The following UNC13C variants were observed in gnomAD, a reference collection of about 807,000 sequenced individuals.
UNC13C encodes unc-13 homolog C.
Under a neutral mutation model 245.4 loss-of-function variants are expected in UNC13C, and 174 were observed. That is an observed-to-expected ratio of 0.71 (90% CI 0.63 to 0.80). The LOEUF (loss-of-function observed/expected upper bound fraction) is 0.80, where lower values mean the gene tolerates loss of function less well. UNC13C is among the 30% of genes least tolerant of loss of function. The probability of loss-of-function intolerance (pLI) is 0.00; values close to 1 mark genes in which losing one functional copy is unlikely to be tolerated. For missense variants in UNC13C, 2,829 were observed against 2,602.9 expected, an observed-to-expected ratio of 1.09 and a Z score of -1.89; for synonymous variants, 992 against 895.1, an observed-to-expected ratio of 1.11 and a Z score of -1.93.
intron 2 of UNC13C, among the ~76,000 whole-genome samples, chr15:54,068,690 C>T (rs547037219): frequency 1.3e-5 from 2 of 152,258 alleles, no homozygotes; most frequent in South Asian, 4.1e-4. Context: ...CAGAACCATA[C>T]TAAATATATG....
intron 29 of UNC13C, among the ~76,000 whole-genome samples, chr15:54,564,280 G>A (rs1897414314): frequency 6.6e-6 from 1 of 151,908 alleles, no homozygotes; most frequent in African/African-American, 2.4e-5. Context: ...TAAATATCCT[G>A]CTAGAGACTT....
intron 17 of UNC13C, among the ~76,000 whole-genome samples, chr15:54,375,574 A>T (rs1208907956): frequency 6.6e-6 from 1 of 152,268 alleles, no homozygotes; most frequent in Non-Finnish European, 1.5e-5. Flanking sequence ...TTTGAATTGA[A>T]TCAATGAAAA....
chr15:53,888,240 ACCATT>A, the UNC13C span, among the ~76,000 whole-genome samples: 5 of 152,036 alleles, frequency 3.3e-5, no homozygotes, highest in African/African-American at 1.2e-4. Flanking sequence ...TTTAATGATC[ACCATT>A]CCAGCTGGCG....
intron 30 of UNC13C, among the ~76,000 whole-genome samples, chr15:54,597,687 GTAAA>G (rs1447525815): frequency 6.6e-6 from 1 of 152,122 alleles, no homozygotes; most frequent in African/African-American, 2.4e-5. Context: ...AAATATTTGA[GTAAA>G]TAAATTAGTG....
intron 14 of UNC13C, 131 bp from the exon 15 acceptor site, chr15:54,331,912 T>C (rs540129812): frequency 7.3e-6 from 4 of 551,370 alleles, no homozygotes; most frequent in Non-Finnish European, 1.2e-5. Flanking sequence ...AGTAACTTTA[T>C]GATCTTGGAC....
At chr15:54,138,664 A>G (rs2031854886) in intron 2 of UNC13C, among the ~76,000 whole-genome samples, 1 of 152,154 alleles carries the variant, frequency 6.6e-6, no homozygotes, top group African/African-American at 2.4e-5. Context: ...AAATAATGAA[A>G]CAGTGCCAAT....
intron 13 of UNC13C, chr15:54,321,156 T>G (rs2038146760): frequency 7.7e-6 from 4 of 518,514 alleles, no homozygotes; most frequent in Non-Finnish European, 1.5e-5. Context: ...CTTTTCTTAC[T>G]TCACAGTTGT....
chr15:54,508,511 T>G (rs538617210), intron 23 of UNC13C, among the ~76,000 whole-genome samples: 1 of 152,244 alleles, frequency 6.6e-6, no homozygotes, highest in Admixed American at 6.5e-5. Flanking sequence ...CTTGGAAAAA[T>G]TAAATCTTTA....
At chr15:53,932,411 A>ACT in the UNC13C span, among the ~76,000 whole-genome samples, 1 of 152,154 alleles carries the variant, frequency 6.6e-6, no homozygotes, top group African/African-American at 2.4e-5. Flanking sequence ...ATTCACAGGT[A>ACT]CCCCATTCTA....
intron 24 of UNC13C, 146 bp from the exon 25 acceptor site, chr15:54,525,403 T>C (rs1895402930): frequency 1.8e-6 from 1 of 544,088 alleles, no homozygotes; most frequent in Admixed American, 3.6e-5. Context: ...TAGATTTGAT[T>C]TCAAAGACCA....
intron 10 of UNC13C, among the ~76,000 whole-genome samples, chr15:54,284,542 G>T (rs2037090721): frequency 6.6e-6 from 1 of 152,076 alleles, no homozygotes; most frequent in Non-Finnish European, 1.5e-5. Context: ...GGAAAAACAT[G>T]AATACAGGGT....
intron 30 of UNC13C, among the ~76,000 whole-genome samples, chr15:54,582,132 C>T (rs1395579117): frequency 1.3e-5 from 2 of 152,048 alleles, no homozygotes; most frequent in African/African-American, 4.8e-5. Flanking sequence ...TTTTGGAAAA[C>T]AGTTTCATAG....
rs774201022 is a variant in UNC13C, at chr15:54,143,032, G to A, written c.2998G>A (p.Asp1000Asn). 3.1e-6 allele frequency: 5 copies of A among 1,611,502 alleles called. No individual in the cohort carries two copies. Among genetic ancestry groups the A allele is most frequent in the Non-Finnish European group, 3.4e-6 (4 of 1,178,950 alleles). Residue 1000 changes from aspartate to asparagine, a missense_variant, in exon 3 of 33, where the codon GAT becomes AAT. Asp to Asn is a conservative substitution (Grantham distance 23). Coordinates refer to ENST00000260323, the MANE Select transcript of UNC13C (RefSeq NM_001080534.3). Reference protein sequence around the residue: ...KILAGDSSSVDEKARIVSGND... With the variant: ...KILAGDSSSVNEKARIVSGND... ...TTCTCTTTCAGATAGCAGTTCTGTG[G>A]ATGAAAAGGTTTTAAATCATACTTA...
chr15:53,842,897 G>C, the UNC13C span, among the ~76,000 whole-genome samples: 1 of 126,062 alleles, frequency 7.9e-6, no homozygotes, highest in Admixed American at 7.9e-5. Flanking sequence ...ATAATTTTAA[G>C]TTTTATATAT....
intron 10 of UNC13C, among the ~76,000 whole-genome samples, chr15:54,279,690 A>G (rs897373044): frequency 3.9e-5 from 6 of 152,212 alleles, no homozygotes; most frequent in African/African-American, 1.4e-4. Flanking sequence ...CTTGCCAAAA[A>G]TAAACTCTGG....
At chr15:54,332,018 C>T (rs2038449852) in intron 14 of UNC13C, 25 bp from the exon 15 acceptor site, 3 of 1,504,762 alleles carry the variant, frequency 2.0e-6, no homozygotes, top group Non-Finnish European at 2.7e-6. Context: ...TTTCCATTCT[C>T]CTATTTTGTG....
At chr15:54,408,194 T>C (rs1326834628) in intron 18 of UNC13C, among the ~76,000 whole-genome samples, 1 of 30,772 alleles carries the variant, frequency 3.2e-5, no homozygotes, top group African/African-American at 1.0e-4. Context: ...AGTGAGACTC[T>C]GCCTCAAAAA....
intron 10 of UNC13C, among the ~76,000 whole-genome samples, chr15:54,281,785 A>C (rs1373453146): frequency 6.6e-6 from 1 of 152,212 alleles, no homozygotes; most frequent in Non-Finnish European, 1.5e-5. Context: ...CATTAAACAG[A>C]AGACAAAACC....
chr15:54,549,491 T>C, intron 27 of UNC13C, 144 bp from the exon 28 acceptor site: 2 of 627,476 alleles, frequency 3.2e-6, no homozygotes, highest in Non-Finnish European at 5.4e-6. Flanking sequence ...ACCCAATCTT[T>C]ATAATAGACC....
Sources: allele counts gnomAD v4.1 joint callset (sites outside exome capture counted in the v4.1 genomes callset), GRCh38; gene constraint gnomAD v4.1.1; transcripts MANE v1.5; gene names NCBI Gene and HGNC (gene_info 2026-07-23, HGNC 2026-07-21).